VGLL4: variants seen among roughly 807,000 people sequenced by gnomAD.
VGLL4 encodes vestigial like family member 4.
Under a neutral mutation model 21.0 loss-of-function variants are expected in VGLL4, and 7 were observed. The observed-to-expected ratio is 0.33, with a 90% CI of 0.19 to 0.63. The LOEUF is 0.63. Ranked by LOEUF, VGLL4 falls within the 20% of genes least tolerant of loss-of-function variation. VGLL4 has a pLI of 0.78. For synonymous variants in VGLL4, 222 were observed against 173.2 expected (o/e 1.28, Z -2.21); for missense variants, 394 against 425.7 (o/e 0.93, Z 0.66).
At chr3:11,661,811 T>C (rs1387126713) in intron 2 of VGLL4, among the ~76,000 whole-genome samples, 1 of 152,118 alleles carries the variant, frequency 6.6e-6, no homozygotes, top group East Asian at 1.9e-4. Context: ...AAAATAGGCA[T>C]AGCCTCCCTG....
Position 11,559,466 on chromosome 3 carries a change from G to C in VGLL4, c.496-11C>G. On this transcript the variant is annotated splice_polypyrimidine_tract_variant and intron_variant, in intron 3 of 4. Coordinates refer to ENST00000430365, the MANE Select transcript of VGLL4 (RefSeq NM_001128219.3). ...CACGGAGGGCCGGTTCTGCGGGGAG[G>C]AGGGGTGTCAGTATGTGGAGACCAG... 1 of 1,550,456 alleles carries C rather than the reference G, an allele frequency of 6.4e-7. No homozygotes were observed.
chr3:11,595,785 A>G (rs1575430632), intron 2 of VGLL4, among the ~76,000 whole-genome samples: 1 of 149,982 alleles, frequency 6.7e-6, no homozygotes, highest in East Asian at 2.0e-4. Context: ...GAATTGAACA[A>G]TGAGAACACA....
chr3:11,590,204 C>A (rs531395189), intron 2 of VGLL4, among the ~76,000 whole-genome samples: 58 of 152,224 alleles, frequency 3.8e-4, no homozygotes, highest in South Asian at 8.3e-4. Flanking sequence ...TTGTCAGATG[C>A]AGCTGAGGAA....
At position 11,615,179 on chromosome 3, in the gene VGLL4, G is replaced by T. The variant is rs114181031; in HGVS notation, c.83-13157C>A. 2.8e-3 allele frequency among the ~76,000 whole-genome samples: 427 copies of T among 152,256 alleles called. 3 individuals are homozygous for T. Among genetic ancestry groups the T allele is most frequent in the Middle Eastern group, 6.8e-3 (2 of 294 alleles). On this transcript the variant is annotated intron_variant, in intron 1 of 4. Transcript: ENST00000430365. ...ACGTATTGTCATTATCTAATATCCA[G>T]TTCACATTCCAACTTCCCGAACTGA...
intron 2 of VGLL4, among the ~76,000 whole-genome samples, chr3:11,684,699 C>T (rs1363371101): frequency 6.6e-6 from 1 of 150,742 alleles, no homozygotes; most frequent in African/African-American, 2.4e-5. Context: ...AACTTTCTTC[C>T]AAATAACTGG....
At chr3:11,713,568 T>TTATATATATATATATATATATATA (rs10690353) in intron 1 of VGLL4, among the ~76,000 whole-genome samples, 2 of 140,292 alleles carry the variant, frequency 1.4e-5, no homozygotes, top group South Asian at 2.3e-4. Context: ...TATATATTAT[T>TTATATATATATATATATATATATA]TATATATATA....
intron 2 of VGLL4, among the ~76,000 whole-genome samples, chr3:11,691,504 T>G (rs1445133685): frequency 1.3e-5 from 2 of 152,186 alleles, no homozygotes. Flanking sequence ...AATACACCCA[T>G]CATGGCTGAT....
Position 11,601,954 on chromosome 3 carries a change from G to C in VGLL4, c.151C>G (p.Arg51Gly). ...LPVASALSSHRTGPPPISPSK... is the reference protein window; with the variant it reads ...LPVASALSSHGTGPPPISPSK... The stretch of plus-strand genomic sequence containing the variant: ...GGGCTGATTGGGGGAGGGCCGGTGC[G>C]GTGACTGCTGAGGGCAGAGGCCACC... Residue 51 changes from arginine to glycine, a missense_variant, in exon 2 of 5, where the codon CGC (arginine) becomes GGC (glycine). Arg to Gly is a moderately radical substitution (Grantham distance 125). Transcript: ENST00000430365. 11 of 1,612,722 alleles carry C rather than the reference G, an allele frequency of 6.8e-6. No homozygotes were observed. The highest frequency in any genetic ancestry group is 2.2e-5 in the East Asian group (1 of 44,700).
At chr3:11,666,850 T>G (rs1335466188) in intron 2 of VGLL4, among the ~76,000 whole-genome samples, 1 of 152,194 alleles carries the variant, frequency 6.6e-6, no homozygotes, top group Non-Finnish European at 1.5e-5. Flanking sequence ...AAAACATGAA[T>G]GCTACAACCC....
chr3:11,670,594 C>G (rs2076193803), intron 2 of VGLL4, among the ~76,000 whole-genome samples: 1 of 152,102 alleles, frequency 6.6e-6, no homozygotes, highest in South Asian at 2.1e-4. Flanking sequence ...GTAATATAAC[C>G]AATAGCTATA....
chr3:11,587,215 G>T (rs557320013), intron 2 of VGLL4, among the ~76,000 whole-genome samples: 1 of 152,250 alleles, frequency 6.6e-6, no homozygotes, highest in Non-Finnish European at 1.5e-5. Context: ...CAGTCCAAAG[G>T]GGGCCAGAGC....
chr3:11,674,478 G>C (rs1330257326), intron 2 of VGLL4, among the ~76,000 whole-genome samples: 18 of 152,178 alleles, frequency 1.2e-4, no homozygotes, highest in Admixed American at 1.2e-3. Context: ...CTGGAGATCA[G>C]CAATTATTAG....
intron 1 of VGLL4, among the ~76,000 whole-genome samples, chr3:11,602,688 A>T (rs1311725637): frequency 6.6e-6 from 1 of 152,200 alleles, no homozygotes; most frequent in East Asian, 1.9e-4. Flanking sequence ...CAGTTCTGAA[A>T]CATGTTTCGA....
chr3:11,567,272 C>T (rs1036839162), intron 2 of VGLL4, among the ~76,000 whole-genome samples: 5 of 152,124 alleles, frequency 3.3e-5, no homozygotes, highest in Admixed American at 6.5e-5. Flanking sequence ...ACAATCAGAG[C>T]GGCGCAGTGC....
At chr3:11,664,263 G>C (rs2076077665) in intron 2 of VGLL4, among the ~76,000 whole-genome samples, 1 of 152,076 alleles carries the variant, frequency 6.6e-6, no homozygotes, top group African/African-American at 2.4e-5. Context: ...AAAAAGAAAT[G>C]CAGCTGCAAA....
intron 2 of VGLL4, among the ~76,000 whole-genome samples, chr3:11,689,964 C>G (rs978335074): frequency 2.0e-5 from 3 of 152,194 alleles, no homozygotes; most frequent in Admixed American, 2.0e-4. Flanking sequence ...ACTGCAGGAG[C>G]CCGCAGGGAT....
intron 2 of VGLL4, among the ~76,000 whole-genome samples, chr3:11,699,135 T>G (rs1433894316): frequency 6.6e-6 from 1 of 152,190 alleles, no homozygotes; most frequent in Non-Finnish European, 1.5e-5. Flanking sequence ...ATAGAATTAA[T>G]GTAGGGCAGA....
intron 2 of VGLL4, chr3:11,582,513 T>C: frequency 1.5e-6 from 1 of 674,054 alleles, no homozygotes; most frequent in South Asian, 2.1e-5. Flanking sequence ...CAGGAACTCC[T>C]GGGAGGGTTT....
rs989312424 is a variant in VGLL4 at position 11,557,247 on chromosome 3, A to T, written c.*1309T>A. 1 of 152,814 alleles carries T rather than the reference A, an allele frequency of 6.5e-6. No individual in the cohort carries two copies. The highest frequency in any genetic ancestry group is 1.5e-5 in the Non-Finnish European group (1 of 68,052). 9.5% of individuals were successfully genotyped at this position (152,814 alleles called of 1,614,324 possible). ...TAGCTATTAATATAGCAAATAATAAATGCAGTAATAACAGTATAAAGTCAG... is the reference window on the plus strand; with the variant it reads ...TAGCTATTAATATAGCAAATAATAATTGCAGTAATAACAGTATAAAGTCAG... On this transcript the variant is annotated 3_prime_UTR_variant, in exon 5 of 5. Coordinates refer to ENST00000430365, the MANE Select transcript of VGLL4 (RefSeq NM_001128219.3).
Sources: gnomAD v4.1 joint callset for allele counts (sites outside exome capture counted in the v4.1 genomes callset) on GRCh38, gnomAD v4.1.1 for gene constraint, MANE v1.5 for transcripts, NCBI Gene and HGNC (gene_info 2026-07-23, HGNC 2026-07-21) for gene names.